ARHGAP24: variants seen among roughly 807,000 people sequenced by gnomAD.
The protein encoded by ARHGAP24 is Rho GTPase activating protein 24.
ARHGAP24 carries 50 observed loss-of-function variants against 76.4 expected under a neutral mutation model. The observed-to-expected ratio is 0.65, with a 90% confidence interval of 0.52 to 0.83. The LOEUF is 0.83. Among genes scored for constraint, ARHGAP24 ranks in the 40% least tolerant of loss-of-function variants. ARHGAP24 has a pLI of 0.00. For missense variants in ARHGAP24, 930 were observed against 914.2 expected, an observed-to-expected ratio of 1.02 and a Z score of -0.22; for synonymous variants, 345 against 323.3, an observed-to-expected ratio of 1.07 and a Z score of -0.72.
Position 85,755,292 on chromosome 4 carries a change from G to T in ARHGAP24, c.268+33320G>T, listed in dbSNP as rs953211692. 5.9e-5 allele frequency among the ~76,000 whole-genome samples: 9 copies of T among 152,052 alleles called. 1 individual carries two copies. The highest frequency in any genetic ancestry group is 2.2e-4 in the African/African-American group (9 of 41,386). On this transcript the variant is annotated intron_variant, in intron 3 of 9. Transcript: ENST00000395184. The stretch of plus-strand genomic sequence containing the variant: ...TAACTAATTTGCCTACATCCTGTAG[G>T]TGAAGGTCTATTGTAGAGAAGTCCA...
intron 3 of ARHGAP24, among the ~76,000 whole-genome samples, chr4:85,735,352 C>A (rs1228717257): frequency 6.6e-6 from 1 of 152,214 alleles, no homozygotes; most frequent in African/African-American, 2.4e-5. Context: ...CTATACCACA[C>A]TCATTCCAAG....
At chr4:85,894,999 A>AG (rs1734084000) in intron 3 of ARHGAP24, among the ~76,000 whole-genome samples, 2 of 22,130 alleles carry the variant, frequency 9.0e-5, no homozygotes, top group African/African-American at 2.1e-4. Context: ...CAAAACAAAA[A>AG]GCAAAAAAAA....
At chr4:85,768,502 G>T (rs577725923) in intron 3 of ARHGAP24, among the ~76,000 whole-genome samples, 3 of 152,158 alleles carry the variant, frequency 2.0e-5, no homozygotes, top group African/African-American at 7.2e-5. Flanking sequence ...ACTTTGAAAG[G>T]CTGAGGCAGG....
chr4:85,735,263 TA>T (rs905033660), intron 3 of ARHGAP24, among the ~76,000 whole-genome samples: 4 of 152,024 alleles, frequency 2.6e-5, no homozygotes, highest in East Asian at 1.9e-4. Context: ...TCTGAGTTTA[TA>T]AAAAAAATAA....
chr4:85,567,710 T>C (rs1413137241), intron 1 of ARHGAP24, among the ~76,000 whole-genome samples: 3 of 152,202 alleles, frequency 2.0e-5, no homozygotes, highest in Non-Finnish European at 4.4e-5. Flanking sequence ...TTCAGAGTGC[T>C]AGAAGAGACC....
intron 1 of ARHGAP24, among the ~76,000 whole-genome samples, chr4:85,517,422 G>A (rs891176361): frequency 6.6e-6 from 1 of 151,948 alleles, no homozygotes; most frequent in South Asian, 2.1e-4. Context: ...AAAACATGGG[G>A]CAACTGATAT....
At chr4:85,653,560 G>A (rs1490016526) in intron 2 of ARHGAP24, among the ~76,000 whole-genome samples, 12 of 152,042 alleles carry the variant, frequency 7.9e-5, no homozygotes, top group Admixed American at 4.6e-4. Context: ...TGCAATCTCT[G>A]CCTCCCAGAT....
intron 1 of ARHGAP24, among the ~76,000 whole-genome samples, chr4:85,518,945 A>G (rs1052646306): frequency 9.2e-5 from 14 of 152,216 alleles, no homozygotes; most frequent in Admixed American, 5.9e-4. Context: ...TTTCCACACT[A>G]TTTTCCATAG....
chr4:85,845,739 A>G (rs187848256), intron 3 of ARHGAP24, among the ~76,000 whole-genome samples: 1 of 152,324 alleles, frequency 6.6e-6, no homozygotes, highest in Non-Finnish European at 1.5e-5. Context: ...CTATGTTAAT[A>G]GAGTTAAAAA....
chr4:85,957,105 G>C (rs1447281135), intron 5 of ARHGAP24, among the ~76,000 whole-genome samples: 1 of 152,166 alleles, frequency 6.6e-6, no homozygotes, highest in Non-Finnish European at 1.5e-5. Flanking sequence ...CAAGCCGCTT[G>C]TTTAAAGGTG....
intron 1 of ARHGAP24, among the ~76,000 whole-genome samples, chr4:85,479,212 C>G (rs1389550006): frequency 2.0e-5 from 3 of 152,214 alleles, no homozygotes; most frequent in African/African-American, 7.2e-5. Flanking sequence ...CCACCCCACA[C>G]ATGCCTATTT....
chr4:85,942,432 A>G (rs957465699), intron 5 of ARHGAP24, 159 bp downstream of exon 5: 6 of 873,910 alleles, frequency 6.9e-6, no homozygotes, highest in African/African-American at 6.7e-5. Context: ...TTAAGTTACA[A>G]AGTCAAAAAT....
chr4:85,956,965 C>T (rs1221299079), intron 5 of ARHGAP24, among the ~76,000 whole-genome samples: 3 of 152,174 alleles, frequency 2.0e-5, no homozygotes, highest in East Asian at 3.9e-4. Context: ...GTTTATATCC[C>T]GATCATAGTC....
chr4:85,910,124 G>A (rs377133113), intron 3 of ARHGAP24, among the ~76,000 whole-genome samples: 33 of 152,274 alleles, frequency 2.2e-4, no homozygotes, highest in African/African-American at 5.5e-4. Flanking sequence ...GCCAGGCTGC[G>A]GCTAGACCAG....
chr4:85,488,287 T>G (rs1045454363), intron 1 of ARHGAP24, among the ~76,000 whole-genome samples: 5 of 152,074 alleles, frequency 3.3e-5, no homozygotes, highest in African/African-American at 1.2e-4. Context: ...AGGTGTAATT[T>G]AAATGTATAA....
At chr4:85,668,892 AAAG>A (rs1316458688) in intron 2 of ARHGAP24, among the ~76,000 whole-genome samples, 2 of 152,232 alleles carry the variant, frequency 1.3e-5, no homozygotes, top group East Asian at 1.9e-4. Context: ...AGATAAAAGT[AAAG>A]AAGGTCAGTT....
At chr4:85,495,345 T>A (rs1410902606) in intron 1 of ARHGAP24, among the ~76,000 whole-genome samples, 1 of 107,428 alleles carries the variant, frequency 9.3e-6, no homozygotes. Context: ...TACAGAATTT[T>A]TTTTTTTTTT....
At chr4:85,566,072 A>T (rs913642961) in intron 1 of ARHGAP24, among the ~76,000 whole-genome samples, 4 of 152,230 alleles carry the variant, frequency 2.6e-5, no homozygotes, top group Admixed American at 2.6e-4. Context: ...TACAGTAGCC[A>T]TCATTAAGGT....
At chr4:85,478,940 A>G (rs1418203178) in intron 1 of ARHGAP24, among the ~76,000 whole-genome samples, 1 of 152,106 alleles carries the variant, frequency 6.6e-6, no homozygotes, top group Non-Finnish European at 1.5e-5. Context: ...TCTCACAACT[A>G]CTGTGAGTTC....
Sources: allele counts gnomAD v4.1 joint callset (sites outside exome capture counted in the v4.1 genomes callset), GRCh38; gene constraint gnomAD v4.1.1; transcripts MANE v1.5; gene names NCBI Gene and HGNC (gene_info 2026-07-23, HGNC 2026-07-21).